RBFOX3: variants seen among roughly 807,000 people sequenced by gnomAD.
RBFOX3 encodes RNA binding protein fox-1 homolog 3.
Under a neutral mutation model 48.7 loss-of-function variants are expected in RBFOX3, and 17 were observed. That is an observed-to-expected ratio of 0.35 (90% confidence interval 0.24 to 0.52). The LOEUF (loss-of-function observed/expected upper bound fraction) is 0.52. Among genes scored for constraint, RBFOX3 ranks in the 20% least tolerant of loss-of-function variants. The pLI is 0.94. For missense variants in RBFOX3, 382 were observed against 497.5 expected (o/e 0.77, Z 2.21); for synonymous variants, 212 against 209.5 (o/e 1.01, Z -0.10).
intron 1 of RBFOX3, among the ~76,000 whole-genome samples, chr17:79,499,108 C>T (rs2082033534): frequency 6.6e-6 from 1 of 151,754 alleles, no homozygotes; most frequent in Non-Finnish European, 1.5e-5. Flanking sequence ...ACTCATCTAT[C>T]CACTTATCCA....
intron 2 of RBFOX3, among the ~76,000 whole-genome samples, chr17:79,349,079 G>T (rs12948969): frequency 0.13 from 19,978 of 151,980 alleles, 1,868 homozygotes; most frequent in Non-Finnish European, 0.2. Context: ...AGTCCAGTAA[G>T]TTCTGTCTCC....
At chr17:79,624,515 C>G in the RBFOX3 span, among the ~76,000 whole-genome samples, 1 of 152,116 alleles carries the variant, frequency 6.6e-6, no homozygotes, top group Non-Finnish European at 1.5e-5. Flanking sequence ...TCTGGAGACT[C>G]AAGTCCAACA....
intron 2 of RBFOX3, among the ~76,000 whole-genome samples, chr17:79,356,624 C>T (rs1012746421): frequency 1.5e-4 from 23 of 151,796 alleles, no homozygotes; most frequent in Non-Finnish European, 4.4e-5. Flanking sequence ...CCACCTTGGC[C>T]TCCCAAAGTG....
chr17:79,225,268 C>A (rs1230637118), intron 4 of RBFOX3, among the ~76,000 whole-genome samples: 5 of 150,418 alleles, frequency 3.3e-5, no homozygotes, highest in African/African-American at 1.2e-4. Context: ...CCCTCCCCAG[C>A]ACTGCTGTCC....
chr17:79,386,719 G>A (rs1286162789), intron 2 of RBFOX3, among the ~76,000 whole-genome samples: 4 of 152,182 alleles, frequency 2.6e-5, no homozygotes, highest in Admixed American at 6.5e-5. Context: ...CAGCCCTTGG[G>A]GTCCAGCCCC....
At chr17:79,553,856 C>T (rs1006900311) in intron 1 of RBFOX3, among the ~76,000 whole-genome samples, 3 of 152,124 alleles carry the variant, frequency 2.0e-5, no homozygotes, top group African/African-American at 7.2e-5. Context: ...CCTCAGCCTC[C>T]CAAGTAGCTG....
the RBFOX3 span, among the ~76,000 whole-genome samples, chr17:79,618,240 G>A: frequency 2.6e-5 from 4 of 152,184 alleles, no homozygotes; most frequent in Non-Finnish European, 5.9e-5. Flanking sequence ...CTGAGGCACC[G>A]TCAATTTCTG....
chr17:79,342,503 G>A (rs1232981933), intron 2 of RBFOX3, among the ~76,000 whole-genome samples: 1 of 152,206 alleles, frequency 6.6e-6, no homozygotes, highest in African/African-American at 2.4e-5. Context: ...CAGAACCTAA[G>A]TCCTGGGCTA....
At chr17:79,277,624 C>T (rs1600373000) in intron 3 of RBFOX3, among the ~76,000 whole-genome samples, 1 of 152,302 alleles carries the variant, frequency 6.6e-6, no homozygotes, top group Non-Finnish European at 1.5e-5. Flanking sequence ...AGGCTCACTG[C>T]CTGGACAGGC....
chr17:79,256,366 C>T (rs143074986), intron 3 of RBFOX3, among the ~76,000 whole-genome samples: 1 of 152,330 alleles, frequency 6.6e-6, no homozygotes, highest in East Asian at 1.9e-4. Context: ...AGCAAGTTTG[C>T]TTGTGCCGGC....
intron 1 of RBFOX3, among the ~76,000 whole-genome samples, chr17:79,563,746 C>T (rs2092346191): frequency 6.6e-6 from 1 of 152,168 alleles, no homozygotes; most frequent in African/African-American, 2.4e-5. Context: ...TTGCCTGAAT[C>T]CCCCACTGGC....
At chr17:79,336,733 G>A (rs1193758065) in intron 2 of RBFOX3, among the ~76,000 whole-genome samples, 1 of 152,242 alleles carries the variant, frequency 6.6e-6, no homozygotes, top group Non-Finnish European at 1.5e-5. Context: ...ACCAGGAGGT[G>A]CACATAGTGA....
At chr17:79,521,610 GAC>G (rs1220183890) in intron 1 of RBFOX3, among the ~76,000 whole-genome samples, 1,669 of 151,680 alleles carry the variant, frequency 0.011, 28 homozygotes, top group African/African-American at 0.039. Context: ...GACACGTGTA[GAC>G]ACACACACAG....
chr17:79,504,883 G>A (rs1268241326), intron 1 of RBFOX3, among the ~76,000 whole-genome samples: 1 of 152,174 alleles, frequency 6.6e-6, no homozygotes, highest in Non-Finnish European at 1.5e-5. Flanking sequence ...TACAGATGCG[G>A]ACGTGCGTGA....
At chr17:79,475,721 G>T (rs370189524) in intron 2 of RBFOX3, among the ~76,000 whole-genome samples, 39 of 152,282 alleles carry the variant, frequency 2.6e-4, no homozygotes, top group African/African-American at 8.7e-4. Flanking sequence ...GGTCGTGCGC[G>T]ACAGGATACA....
chr17:79,572,570 G>A lies in RBFOX3; in HGVS notation c.-320+38256C>T, dbSNP rs980662385. On this transcript the variant is annotated intron_variant, in intron 1 of 14. Transcript: ENST00000693108. ...CTCTCAACAGGGTGGGGGGAGGGAG[G>A]GGGAAGGGGAGCCAAGCTGAAGGCA... Among the ~76,000 whole-genome samples, 790 of 152,248 alleles carry A rather than the reference G, an allele frequency of 5.2e-3. 7 individuals carry two copies. The highest frequency in any genetic ancestry group is 0.018 in the African/African-American group (746 of 41,548).
At chr17:79,092,777 GGAGA>G (rs2074211427) in intron 14 of RBFOX3, 1 of 383,584 alleles carries the variant, frequency 2.6e-6, no homozygotes, top group African/African-American at 2.2e-5. Flanking sequence ...TATTCCTTGG[GGAGA>G]AAGGAGTTGG....
chr17:79,150,593 G>A (rs554713048), intron 4 of RBFOX3, among the ~76,000 whole-genome samples: 3 of 152,132 alleles, frequency 2.0e-5, no homozygotes, highest in South Asian at 2.1e-4. Context: ...GAGGTGCAGG[G>A]CCACCAGAGC....
chr17:79,106,641 G>A lies in RBFOX3; in HGVS notation c.360+10C>T, dbSNP rs1233398072. On this transcript the variant is annotated intron_variant, in intron 6 of 14. Transcript: ENST00000693108. ...TGGAGGGCAGGATGGGTGGGGCCGCGCACACTCACCCCGAACATTTGCCGC... is the reference window on the plus strand; with the variant it reads ...TGGAGGGCAGGATGGGTGGGGCCGCACACACTCACCCCGAACATTTGCCGC... 4.8e-6 allele frequency: 7 copies of A among 1,457,878 alleles called. No individual in the cohort carries two copies. Among genetic ancestry groups the A allele is most frequent in the East Asian group, 5.9e-5 (2 of 33,970 alleles). 90.3% of individuals were successfully genotyped at this position (1,457,878 alleles called of 1,614,324 possible). A position where few individuals can be genotyped will look rare whatever the true frequency, so the allele number is the denominator to read the frequency against.
Sources: allele counts gnomAD v4.1 joint callset (sites outside exome capture counted in the v4.1 genomes callset), GRCh38; gene constraint gnomAD v4.1.1; transcripts MANE v1.5; gene names NCBI Gene and HGNC (gene_info 2026-07-23, HGNC 2026-07-21).